PTPRA: variants seen among roughly 807,000 people sequenced by gnomAD.
The protein encoded by PTPRA is protein tyrosine phosphatase receptor type A, also known as receptor-type tyrosine-protein phosphatase alpha.
Under a neutral mutation model 104.8 loss-of-function variants are expected in PTPRA, and 25 were observed. That is an observed-to-expected ratio of 0.24 (90% CI 0.17 to 0.33). The LOEUF is 0.33. Among genes scored for constraint, PTPRA ranks in the 10% least tolerant of loss-of-function variants. The probability of loss-of-function intolerance (pLI) is 1.00; values close to 1 mark genes in which losing one functional copy is unlikely to be tolerated. For missense variants in PTPRA, 765 were observed against 1,015.3 expected, an observed-to-expected ratio of 0.75 and a Z score of 3.35; for synonymous variants, 323 against 368.9, an observed-to-expected ratio of 0.88 and a Z score of 1.43.
intron 17 of PTPRA, 82 bp downstream of exon 17, chr20:3,024,703 C>G: frequency 1.3e-6 from 2 of 1,525,990 alleles, no homozygotes; most frequent in South Asian, 1.2e-5. Flanking sequence ...TGTGCATTTG[C>G]CAACAGTAAA....
intron 20 of PTPRA, among the ~76,000 whole-genome samples, chr20:3,031,208 G>A (rs570956673): frequency 8.5e-5 from 13 of 152,148 alleles, no homozygotes; most frequent in African/African-American, 2.7e-4. Context: ...CACCATGTCC[G>A]CCTTAGACCT....
In PTPRA at chr20:2,988,347, G is replaced by T; in HGVS notation, c.611G>T (p.Ser204Ile). 1 of 1,600,982 alleles carries T rather than the reference G, an allele frequency of 6.2e-7. No individual in the cohort carries two copies. The highest frequency in any genetic ancestry group is 8.5e-7 in the Non-Finnish European group (1 of 1,176,790). ...NGRTEDVEPQ[S>I]VPLLARSPST... ...CCCTTGTGTACTGCAGAGCCCCAGA[G>T]TGTGCCACTTCTGGCCAGATCCCCA... Residue 204 changes from serine (S) to isoleucine (I), a missense_variant, in exon 9 of 24, where the codon AGT becomes ATT. By Grantham distance (142) the Ser-to-Ile change is moderately radical. Around this residue, in one of 4 missense-constraint regions of PTPRA, gnomAD observed 256 missense variants for 248.9 expected, o/e 1.03. Coordinates refer to ENST00000399903, the MANE Select transcript of PTPRA (RefSeq NM_001385305.1).
chr20:3,030,102 C>G (rs117558622), intron 20 of PTPRA, among the ~76,000 whole-genome samples: 8 of 152,126 alleles, frequency 5.3e-5, no homozygotes, highest in Non-Finnish European at 1.2e-4. Flanking sequence ...GCTGGAACCA[C>G]GAGCACAAGG....
In PTPRA at chr20:2,875,902, A is replaced by G. The variant is rs116581905; in HGVS notation, c.-129+2142A>G. Among the ~76,000 whole-genome samples the G allele has an allele frequency of 1.9e-3, 286 of 152,282 alleles. 1 individual carries two copies. The highest frequency in any genetic ancestry group is 6.6e-3 in the African/African-American group (276 of 41,552). Reference sequence around the variant, plus strand: ...GGGGCCTTCGGATCATGAAGGATGCATAGGAGTTTGCGCGTGGTGGACTGC... The same window carrying G: ...GGGGCCTTCGGATCATGAAGGATGCGTAGGAGTTTGCGCGTGGTGGACTGC... On this transcript the variant is annotated intron_variant, in intron 1 of 23. Transcript: ENST00000399903.
chr20:3,026,741 G>A lies in PTPRA; in HGVS notation c.1669G>A (p.Ala557Thr). ...NDKMRTGNLP[A>T]NMKKNRVLQI... is the part of the protein sequence containing the mutation. ...CAAGATGCGGACTGGAAACCTTCCAGCCAACATGAAGAAGAACCGTGTTTT... is the reference window on the plus strand; with the variant it reads ...CAAGATGCGGACTGGAAACCTTCCAACCAACATGAAGAAGAACCGTGTTTT... The change falls in exon 18 of 24, where the codon GCC becomes ACC. Residue 557 changes from alanine (A) to threonine (T), a missense_variant. Transcript: ENST00000399903. 6.2e-7 allele frequency: 1 copy of A among 1,613,330 alleles called. No homozygotes were observed.
chr20:3,035,798 G>C lies in PTPRA; in HGVS notation c.2055G>C (p.Lys685Asn). The change falls in exon 22 of 24, where the codon AAG (lysine) becomes AAC (asparagine). Residue 685 changes from lysine to asparagine, a missense_variant. Around this residue, in one of 4 missense-constraint regions of PTPRA, gnomAD observed 192 missense variants for 227.0 expected, o/e 0.85. Coordinates refer to ENST00000399903, the MANE Select transcript of PTPRA (RefSeq NM_001385305.1). This position sits in a 1 kb window ranked among gnomAD's most constrained non-coding sequence, Gnocchi z 5.8. ...TCCCCTTTTTTCCAAAGGAGAATAAGAGCCGGCAGATCCGGCAGTTCCACT... is the reference window on the plus strand; with the variant it reads ...TCCCCTTTTTTCCAAAGGAGAATAACAGCCGGCAGATCCGGCAGTTCCACT... Reference protein sequence around the residue: ...DLLVTNTRENKSRQIRQFHFH... With the variant: ...DLLVTNTRENNSRQIRQFHFH... The C allele has an allele frequency of 2.5e-6, 4 of 1,614,176 alleles. No individual in the cohort carries two copies. The highest frequency in any genetic ancestry group is 1.7e-4 in the Middle Eastern group (1 of 6,060).
chr20:2,923,148 T>C, intron 1 of PTPRA, 59 bp from the exon 2 acceptor site: 4 of 743,530 alleles, frequency 5.4e-6, no homozygotes, highest in Non-Finnish European at 1.8e-6. Context: ...ATTCCTAAGC[T>C]AGAACAATCT....
upstream of PTPRA, among the ~76,000 whole-genome samples, chr20:2,869,955 A>G (rs1300169988): frequency 1.3e-5 from 2 of 151,726 alleles, no homozygotes; most frequent in Admixed American, 6.6e-5. Context: ...AGCCTGGGCA[A>G]TGAGTGAAAC....
chr20:2,965,044 A>G lies in PTPRA; in HGVS notation c.257A>G (p.Asn86Ser), dbSNP rs768434788. 4.7e-5 allele frequency: 76 copies of G among 1,614,010 alleles called. No homozygotes were observed. The highest frequency in any genetic ancestry group is 1.6e-4 in the Middle Eastern group (1 of 6,084). Residue 86 changes from asparagine to serine, a missense_variant, in exon 5 of 24, where the codon AAT becomes AGT. Around this residue, in one of 4 missense-constraint regions of PTPRA, gnomAD observed 256 missense variants for 248.9 expected, o/e 1.03. Coordinates refer to ENST00000399903, the MANE Select transcript of PTPRA (RefSeq NM_001385305.1). The part of the protein sequence containing the change: ...LTTVNSSDSD[N>S]GTTRTASTNS... The stretch of plus-strand genomic sequence containing the variant: ...ACTGTCAATTCTTCAGACTCTGACA[A>G]TGGGACCACAAGAACAGCAAGCACC...
chr20:2,988,435 A>G lies in PTPRA; in HGVS notation c.699A>G (p.Arg233=), dbSNP rs61742722. 2.7e-3 allele frequency: 4,380 copies of G among 1,613,002 alleles called. 47 individuals carry two copies. Among genetic ancestry groups the G allele is most frequent in the South Asian group, 0.021 (1,950 of 90,932 alleles). The change falls in exon 9 of 24, where the codon AGA becomes AGG. Residue 233 remains arginine, a synonymous_variant. Transcript: ENST00000399903. ...VDKLEEEINR[R]MADDNKLFRE... is the part of the protein sequence containing the mutation. ...AGCTGGAAGAGGAAATTAACCGGAG[A>G]ATGGCAGACGACAATAAGCTCTTCA... is the stretch of plus-strand genomic sequence containing the variant.
intron 1 of PTPRA, among the ~76,000 whole-genome samples, chr20:2,877,076 G>C (rs2146765070): frequency 6.6e-6 from 1 of 152,206 alleles, no homozygotes; most frequent in East Asian, 1.9e-4. Flanking sequence ...GAGGTGCTCA[G>C]TGTCAGTTTG....
upstream of PTPRA, among the ~76,000 whole-genome samples, chr20:2,868,793 A>T (rs1025098960): frequency 6.6e-6 from 1 of 151,964 alleles, no homozygotes; most frequent in Non-Finnish European, 1.5e-5. Context: ...GGGAGGCTTG[A>T]CCAGTGCTTT....
At chr20:3,025,330 G>A (rs1239546036) in intron 17 of PTPRA, among the ~76,000 whole-genome samples, 1 of 151,902 alleles carries the variant, frequency 6.6e-6, no homozygotes, top group Admixed American at 6.6e-5. Context: ...GCACATGCCT[G>A]TAGTCCCAGC....
At chr20:2,933,685 C>T (rs1027979470) in intron 2 of PTPRA, among the ~76,000 whole-genome samples, 1 of 152,092 alleles carries the variant, frequency 6.6e-6, no homozygotes, top group Admixed American at 6.6e-5. Context: ...GGTCTCAAAA[C>T]TCCTGACCTC....
intron 13 of PTPRA, among the ~76,000 whole-genome samples, chr20:3,019,915 A>T (rs967569310): frequency 6.6e-6 from 1 of 152,146 alleles, no homozygotes; most frequent in Non-Finnish European, 1.5e-5. Flanking sequence ...CCACCAAAAA[A>T]ATACGAAAAC....
chr20:2,866,226 C>G, the PTPRA span: 26 of 1,614,050 alleles, frequency 1.6e-5, no homozygotes, highest in East Asian at 1.6e-4. Flanking sequence ...TTGTGGAGAT[C>G]TGCATGAAAC....
intron 3 of PTPRA, among the ~76,000 whole-genome samples, chr20:2,956,455 T>C (rs1469928922): frequency 6.6e-6 from 1 of 151,860 alleles, no homozygotes; most frequent in African/African-American, 2.4e-5. Flanking sequence ...TTAGCAGATA[T>C]TTATTGAAGC....
upstream of PTPRA, among the ~76,000 whole-genome samples, chr20:2,870,652 T>C (rs944672233): frequency 3.9e-5 from 6 of 152,204 alleles, no homozygotes; most frequent in Non-Finnish European, 5.9e-5. Flanking sequence ...TTCCATTTAC[T>C]AGAAGGGGAA....
intron 9 of PTPRA, among the ~76,000 whole-genome samples, chr20:2,998,930 T>TTATTA (rs3055405): frequency 0.61 from 90,604 of 148,302 alleles, 29,072 homozygotes; most frequent in East Asian, 0.88. Flanking sequence ...TATTTATAAT[T>TTATTA]TATTATATAT....
Sources: gnomAD v4.1 joint callset for allele counts (sites outside exome capture counted in the v4.1 genomes callset) on GRCh38, gnomAD v4.1.1 for gene constraint, gnomAD v4.1.1 regional missense constraint, Gnocchi (gnomAD v3.1) non-coding constraint, MANE v1.5 for transcripts, NCBI Gene and HGNC (gene_info 2026-07-23, HGNC 2026-07-21) for gene names.